Variants in MORN1 observed in about 807,000 individuals in gnomAD.
MORN1 encodes MORN repeat-containing protein 1.
In MORN1, 67 loss-of-function variants were observed where a neutral mutation model predicts 61.9. The ratio of observed to expected loss-of-function variants is 1.08; its 90% CI spans 0.89 to 1.33. MORN1 has a LOEUF of 1.33. MORN1 is among the 40% of genes most tolerant of loss of function. The pLI, the probability that MORN1 is intolerant of heterozygous loss-of-function variation, is 0.00. For synonymous variants in MORN1, 301 were observed against 292.0 expected, an observed-to-expected ratio of 1.03 and a Z score of -0.31; for missense variants, 752 against 691.2, an observed-to-expected ratio of 1.09 and a Z score of -0.99.
At chr1:2,326,189 G>A (rs888423656) in intron 12 of MORN1, 3 of 152,302 alleles carry the variant, frequency 2.0e-5, no homozygotes, top group African/African-American at 4.8e-5. Context: ...GCAGCAACTG[G>A]GTGAAAAAGA....
At chr1:2,385,505 T>G (rs1642473356) in intron 5 of MORN1, 2 of 308,876 alleles carry the variant, frequency 6.5e-6, no homozygotes, top group South Asian at 3.4e-5. Flanking sequence ...GCTCCTGTGG[T>G]GCCACTTTGC....
At chr1:2,347,174 T>C (rs1304286837) in intron 10 of MORN1, among the ~76,000 whole-genome samples, 1 of 152,176 alleles carries the variant, frequency 6.6e-6, no homozygotes, top group Non-Finnish European at 1.5e-5. Flanking sequence ...ACAGCTTTGC[T>C]GGGGGAGGTG....
At chr1:2,327,547 C>T (rs538574206) in intron 12 of MORN1, among the ~76,000 whole-genome samples, 1 of 152,338 alleles carries the variant, frequency 6.6e-6, no homozygotes, top group African/African-American at 2.4e-5. Context: ...CACAGAAACA[C>T]ACAGAAACAC....
chr1:2,349,049 C>A (rs1641593171), intron 10 of MORN1, among the ~76,000 whole-genome samples: 1 of 152,188 alleles, frequency 6.6e-6, no homozygotes, highest in African/African-American at 2.4e-5. Flanking sequence ...ATGCTGCCTC[C>A]ATCACCCCCT....
intron 13 of MORN1, chr1:2,322,826 C>T: frequency 3.0e-6 from 3 of 985,466 alleles, no homozygotes; most frequent in East Asian, 1.1e-4. Flanking sequence ...CCCCATCTGA[C>T]CCCACTCCTG....
chr1:2,325,391 T>A (rs1036361870), intron 12 of MORN1, among the ~76,000 whole-genome samples: 1 of 151,020 alleles, frequency 6.6e-6, no homozygotes, highest in African/African-American at 2.4e-5. Flanking sequence ...CACTGCGGCC[T>A]CCAACTCCTG....
chr1:2,377,795 A>T (rs1356418880), intron 6 of MORN1: 1 of 152,414 alleles, frequency 6.6e-6, no homozygotes, highest in Non-Finnish European at 1.5e-5. Flanking sequence ...CAGGGGCTCC[A>T]GCTTTCCCCA....
intron 10 of MORN1, among the ~76,000 whole-genome samples, chr1:2,348,702 C>T (rs1557876251): frequency 1.4e-5 from 2 of 142,562 alleles, no homozygotes; most frequent in Admixed American, 6.8e-5. Context: ...CACACGCACG[C>T]ACACGCACAC....
At chr1:2,355,483 G>A (rs946059082) in intron 10 of MORN1, 15 of 1,550,036 alleles carry the variant, frequency 9.7e-6, no homozygotes, top group East Asian at 7.3e-5. Context: ...ACAGACCCCC[G>A]AGGCTCTGAG....
intron 12 of MORN1, chr1:2,332,439 G>T (rs1163030282): frequency 1.7e-5 from 6 of 360,008 alleles, no homozygotes; most frequent in Non-Finnish European, 2.8e-5. Context: ...CTTCCAGTGG[G>T]ATGGGCGACC....
At chr1:2,352,136 T>C (rs1641663701) in intron 10 of MORN1, 1 of 382,648 alleles carries the variant, frequency 2.6e-6, no homozygotes, top group South Asian at 3.4e-5. Flanking sequence ...TGTGAGCTTT[T>C]TGTCCCCTGG....
chr1:2,366,471 TATA>T (rs1043922930), intron 8 of MORN1, among the ~76,000 whole-genome samples: 68 of 151,682 alleles, frequency 4.5e-4, no homozygotes, highest in African/African-American at 1.6e-3. Context: ...AAACTTTAAG[TATA>T]ATAATAATAA....
At chr1:2,322,581 G>A in intron 13 of MORN1, 23 of 985,404 alleles carry the variant, frequency 2.3e-5, no homozygotes, top group Non-Finnish European at 2.5e-5. Flanking sequence ...GGTTCTGGGG[G>A]GCCTCGCCAG....
At chr1:2,378,715 C>G in intron 6 of MORN1, 1 of 358,418 alleles carries the variant, frequency 2.8e-6, no homozygotes. Context: ...GGCCTCTACT[C>G]TGTCTGCTCC....
chr1:2,321,866 T>C (rs1640888690), intron 13 of MORN1, among the ~76,000 whole-genome samples: 1 of 152,192 alleles, frequency 6.6e-6, no homozygotes, highest in South Asian at 2.1e-4. Flanking sequence ...GCTCGGAGGC[T>C]GGCAAGGATG....
In MORN1 at chr1:2,374,278, G is replaced by A. The variant is rs183919107; in HGVS notation, c.634+183C>T. On this transcript the variant is annotated intron_variant, in intron 7 of 13. Coordinates refer to ENST00000378531, the MANE Select transcript of MORN1 (RefSeq NM_024848.3). ...AGTCCGGGAAGCCCCACTTGCAGCA[G>A]GACCACTTTTGACATCAGATTAGAA... Among the ~76,000 whole-genome samples the A allele has an allele frequency of 3.9e-3, 589 of 152,344 alleles. 8 individuals are homozygous for A. Among genetic ancestry groups the A allele is most frequent in the African/African-American group, 0.013 (554 of 41,566 alleles).
At chr1:2,386,739 A>C (rs1313109686) in intron 4 of MORN1, 2 of 152,578 alleles carry the variant, frequency 1.3e-5, no homozygotes, top group African/African-American at 4.8e-5. Flanking sequence ...TCTGCTTCTT[A>C]ACATAAGGAA....
intron 8 of MORN1, 133 bp from the exon 9 acceptor site, chr1:2,358,848 G>T (rs1031170980): frequency 8.9e-6 from 10 of 1,125,510 alleles, no homozygotes; most frequent in East Asian, 5.2e-5. Context: ...TGTGACCCTG[G>T]TGGGCTGAGG....
At chr1:2,342,340 C>T (rs536605068) in intron 10 of MORN1, among the ~76,000 whole-genome samples, 29 of 152,366 alleles carry the variant, frequency 1.9e-4, no homozygotes, top group Middle Eastern at 3.4e-3. Flanking sequence ...CAAGAATAGC[C>T]GCGGCAGGCG....
Sources: allele counts gnomAD v4.1 joint callset (sites outside exome capture counted in the v4.1 genomes callset), GRCh38; gene constraint gnomAD v4.1.1; transcripts MANE v1.5; gene names NCBI Gene and HGNC (gene_info 2026-07-23, HGNC 2026-07-21).